SPATA18: variants seen among roughly 807,000 people sequenced by gnomAD.
SPATA18 encodes the protein spermatogenesis associated 18.
SPATA18 carries 54 observed loss-of-function variants against 68.1 expected under a neutral mutation model. The observed-to-expected ratio is 0.79, with a 90% CI of 0.64 to 0.99. SPATA18 has a LOEUF of 0.99. Ranked by LOEUF, SPATA18 falls within the 50% of genes least tolerant of loss-of-function variation. The pLI is 0.00. For missense variants in SPATA18, 724 were observed against 681.1 expected (o/e 1.06, Z -0.70); for synonymous variants, 242 against 244.8 (o/e 0.99, Z 0.11).
chr4:52,070,625 G>A (rs1265934543), intron 5 of SPATA18, among the ~76,000 whole-genome samples: 1 of 151,928 alleles, frequency 6.6e-6, no homozygotes, highest in Non-Finnish European at 1.5e-5. Flanking sequence ...CATGGCACAT[G>A]TATACATATG....
At chr4:52,074,010 T>C (rs1010203724) in intron 6 of SPATA18, among the ~76,000 whole-genome samples, 2 of 152,214 alleles carry the variant, frequency 1.3e-5, no homozygotes, top group African/African-American at 4.8e-5. Flanking sequence ...GGCCAGTATT[T>C]GCCAGTATTT....
At chr4:52,063,859 G>C (rs1158064221) in intron 4 of SPATA18, among the ~76,000 whole-genome samples, 1 of 151,990 alleles carries the variant, frequency 6.6e-6, no homozygotes, top group Non-Finnish European at 1.5e-5. Flanking sequence ...AGGTATCCTG[G>C]GACATTAGCT....
intron 6 of SPATA18, among the ~76,000 whole-genome samples, chr4:52,074,782 G>A (rs1740181838): frequency 6.6e-6 from 1 of 152,222 alleles, no homozygotes; most frequent in Non-Finnish European, 1.5e-5. Context: ...AGTATGAATG[G>A]TGGGGGGAGT....
At chr4:52,093,969 C>A (rs191671595) in intron 11 of SPATA18, among the ~76,000 whole-genome samples, 4 of 152,280 alleles carry the variant, frequency 2.6e-5, no homozygotes, top group Admixed American at 2.0e-4. Context: ...GGTCTTGATT[C>A]ATCCAGAATG....
chr4:52,087,596 T>A (rs1215027299), intron 11 of SPATA18, among the ~76,000 whole-genome samples: 1 of 152,178 alleles, frequency 6.6e-6, no homozygotes, highest in Non-Finnish European at 1.5e-5. Flanking sequence ...ATGGTTTTAT[T>A]TCTGAGGCCT....
chr4:52,089,019 A>G (rs1441590530), intron 11 of SPATA18, among the ~76,000 whole-genome samples: 1 of 152,118 alleles, frequency 6.6e-6, no homozygotes, highest in Non-Finnish European at 1.5e-5. Context: ...GGGAGGGTGT[A>G]TGTGTCCAGG....
intron 11 of SPATA18, among the ~76,000 whole-genome samples, chr4:52,087,972 G>A (rs754965783): frequency 2.0e-5 from 3 of 152,126 alleles, no homozygotes; most frequent in Non-Finnish European, 4.4e-5. Context: ...CGTTCTCCTT[G>A]AAGGGGTCCT....
chr4:52,074,457 A>G (rs543014112), intron 6 of SPATA18, among the ~76,000 whole-genome samples: 2 of 152,290 alleles, frequency 1.3e-5, no homozygotes, highest in South Asian at 4.2e-4. Context: ...TGGGGGGCGC[A>G]GCGGTGGTGT....
intron 8 of SPATA18, among the ~76,000 whole-genome samples, chr4:52,079,141 T>C (rs964498980): frequency 6.6e-6 from 1 of 152,210 alleles, no homozygotes; most frequent in Non-Finnish European, 1.5e-5. Flanking sequence ...TGGAATATCA[T>C]AGTTCTTAAG....
At chr4:52,085,262 A>T (rs1741320102) in intron 11 of SPATA18, among the ~76,000 whole-genome samples, 1 of 152,124 alleles carries the variant, frequency 6.6e-6, no homozygotes, top group South Asian at 2.1e-4. Flanking sequence ...TTTATCTTGG[A>T]TGAAATGGGC....
intron 11 of SPATA18, among the ~76,000 whole-genome samples, chr4:52,092,617 T>C (rs1219971579): frequency 6.6e-6 from 1 of 152,192 alleles, no homozygotes; most frequent in East Asian, 1.9e-4. Flanking sequence ...TCTGCGTTGA[T>C]CTTGCTGGGG....
chr4:52,064,183 C>CTATATA (rs71193057), intron 4 of SPATA18, among the ~76,000 whole-genome samples: 6,266 of 145,836 alleles, frequency 0.043, 161 homozygotes, highest in Admixed American at 0.088. Flanking sequence ...CCTTCTCTTT[C>CTATATA]TATATATATA....
Position 52,077,038 on chromosome 4 carries a change from G to A in SPATA18, c.1018G>A (p.Val340Met), listed in dbSNP as rs1239231196. The A allele has an allele frequency of 1.3e-6, 2 of 1,599,712 alleles. No homozygotes were observed. The highest frequency in any genetic ancestry group is 1.7e-6 in the Non-Finnish European group (2 of 1,172,692). Residue 340 changes from valine to methionine, a missense_variant and splice_region_variant, in exon 7 of 13, where the codon GTG becomes ATG. Transcript: ENST00000295213. ...TVQRIIYIAT[V>M]EAFHVAKMAF... ...TCAGCGGATCATCTACATCGCCACA[G>A]TGGTATGTGACGCCTGCGGGACTCC...
intron 5 of SPATA18, 52 bp downstream of exon 5, chr4:52,069,968 T>C: frequency 7.6e-7 from 1 of 1,314,052 alleles, no homozygotes; most frequent in Non-Finnish European, 1.0e-6. Context: ...AATTTAGCTT[T>C]TTTGGTGCTC....
Position 52,082,438 on chromosome 4 carries a change from C to T in SPATA18, c.1407C>T (p.His469=), listed in dbSNP as rs140306790. 9.6e-5 allele frequency: 155 copies of T among 1,614,092 alleles called. No individual in the cohort carries two copies. Among genetic ancestry groups the T allele is most frequent in the Admixed American group, 2.0e-4 (12 of 60,012 alleles). ...SDFTAPLVLY[H]VWPALMENDC... The stretch of plus-strand genomic sequence containing the variant: ...TCACTGCTCCCTTAGTCCTCTATCA[C>T]GTGTGGCCTGCTCTCATGGAGAATG... Residue 469 remains histidine, a synonymous_variant, in exon 10 of 13, where the codon CAC becomes CAT. Transcript: ENST00000295213.
chr4:52,054,875 G>T (rs1738202783), intron 1 of SPATA18, among the ~76,000 whole-genome samples: 1 of 150,670 alleles, frequency 6.6e-6, no homozygotes, highest in African/African-American at 2.4e-5. Flanking sequence ...TAGATAAAAA[G>T]AAAAAACCTT....
At chr4:52,094,623 T>C (rs746900427) in intron 12 of SPATA18, 51 bp downstream of exon 12, 2 of 1,554,442 alleles carry the variant, frequency 1.3e-6, no homozygotes, top group Non-Finnish European at 1.8e-6. Flanking sequence ...TTAATACTCC[T>C]TCTAGTACTT....
At chr4:52,090,322 T>C (rs1315765841) in intron 11 of SPATA18, among the ~76,000 whole-genome samples, 1 of 152,210 alleles carries the variant, frequency 6.6e-6, no homozygotes, top group African/African-American at 2.4e-5. Context: ...ATCCTGTCAT[T>C]ATGATGCTAG....
At chr4:52,094,336 T>C (rs762793331) in intron 11 of SPATA18, among the ~76,000 whole-genome samples, 191 bp from the exon 12 acceptor site, 1 of 152,154 alleles carries the variant, frequency 6.6e-6, no homozygotes, top group African/African-American at 2.4e-5. Context: ...TAACTAATAA[T>C]ATAATTTAAA....
Sources: gnomAD v4.1 joint callset for allele counts (sites outside exome capture counted in the v4.1 genomes callset) on GRCh38, gnomAD v4.1.1 for gene constraint, MANE v1.5 for transcripts, NCBI Gene and HGNC (gene_info 2026-07-23, HGNC 2026-07-21) for gene names.